DTWD2: variants seen among roughly 807,000 people sequenced by gnomAD.
DTWD2 encodes DTW motif tRNA-uridine aminocarboxypropyltransferase 2.
Under a neutral mutation model 31.8 loss-of-function variants are expected in DTWD2, and 39 were observed. The ratio of observed to expected loss-of-function variants is 1.22; its 90% CI spans 0.95 to 1.60. The LOEUF (loss-of-function observed/expected upper bound fraction) is 1.60, where lower values mean the gene tolerates loss of function less well. Among genes scored for constraint, DTWD2 ranks in the 40% most tolerant of loss-of-function variants. DTWD2 has a pLI of 0.00. For synonymous variants in DTWD2, 180 were observed against 142.8 expected, an observed-to-expected ratio of 1.26 and a Z score of -1.86; for missense variants, 515 against 381.5, an observed-to-expected ratio of 1.35 and a Z score of -2.92.
rs115086564 is a variant in DTWD2, at chr5:118,875,812, A to G, written c.598-27594T>C. Among the ~76,000 whole-genome samples the G allele has an allele frequency of 6.3e-3, 957 of 152,192 alleles. 18 individuals are homozygous for G. Among genetic ancestry groups the G allele is most frequent in the African/African-American group, 0.022 (907 of 41,524 alleles). ...CAATCTTACACAGATCAAGACAAAA[A>G]ACTAACAAAGATATTAAGGACCTGA... On this transcript the variant is annotated intron_variant, in intron 4 of 5. Coordinates refer to ENST00000510708, the MANE Select transcript of DTWD2 (RefSeq NM_173666.4).
chr5:118,852,945 A>G (rs558722341), intron 4 of DTWD2, among the ~76,000 whole-genome samples: 3 of 152,272 alleles, frequency 2.0e-5, no homozygotes, highest in South Asian at 2.1e-4. Flanking sequence ...CCATTATCCT[A>G]TGTGAATTAA....
At chr5:118,979,344 G>A (rs2149603072) in intron 1 of DTWD2, among the ~76,000 whole-genome samples, 1 of 151,990 alleles carries the variant, frequency 6.6e-6, no homozygotes, top group African/African-American at 2.4e-5. Context: ...TAAATAAAAG[G>A]TCAAAAAACA....
In DTWD2 at chr5:118,836,910, G is replaced by C. The variant is rs1165570651; in HGVS notation, c.*4007C>G. On this transcript the variant is annotated 3_prime_UTR_variant, in exon 6 of 6. Coordinates refer to ENST00000510708, the MANE Select transcript of DTWD2 (RefSeq NM_173666.4). ...AGCTATCCAGTCTCTGGTATTCTGAGAGAGCAGCCAGAATGGACTAAGACA... is the reference window on the plus strand; with the variant it reads ...AGCTATCCAGTCTCTGGTATTCTGACAGAGCAGCCAGAATGGACTAAGACA... 2.0e-5 allele frequency among the ~76,000 whole-genome samples: 3 copies of C among 152,192 alleles called. No individual in the cohort carries two copies. The highest frequency in any genetic ancestry group is 4.4e-5 in the Non-Finnish European group (3 of 68,030).
intron 4 of DTWD2, among the ~76,000 whole-genome samples, chr5:118,881,691 C>A (rs1199068873): frequency 1.3e-5 from 2 of 152,032 alleles, no homozygotes; most frequent in Non-Finnish European, 2.9e-5. Flanking sequence ...GGGAAGCAGG[C>A]GCCTCTTACA....
At chr5:118,976,565 T>TAC (rs1462278675) in intron 1 of DTWD2, among the ~76,000 whole-genome samples, 1 of 152,200 alleles carries the variant, frequency 6.6e-6, no homozygotes, top group Non-Finnish European at 1.5e-5. Context: ...TAAACACCTC[T>TAC]ACACACATAA....
chr5:118,875,442 T>C (rs1752598365), intron 4 of DTWD2, among the ~76,000 whole-genome samples: 1 of 151,880 alleles, frequency 6.6e-6, no homozygotes, highest in Non-Finnish European at 1.5e-5. Flanking sequence ...TATTGGTATG[T>C]TGTCTTCAAG....
At chr5:118,869,927 C>A (rs1752465254) in intron 4 of DTWD2, among the ~76,000 whole-genome samples, 1 of 152,074 alleles carries the variant, frequency 6.6e-6, no homozygotes, top group South Asian at 2.1e-4. Context: ...TTAGAACCAT[C>A]CCCTTGATGA....
chr5:118,982,852 C>T (rs902869418), intron 1 of DTWD2, among the ~76,000 whole-genome samples: 2 of 151,882 alleles, frequency 1.3e-5, no homozygotes, highest in African/African-American at 4.8e-5. Flanking sequence ...CCACGCCCGG[C>T]TAATTTTAGT....
At chr5:118,945,932 T>A (rs1161208809) in intron 1 of DTWD2, among the ~76,000 whole-genome samples, 5 of 152,152 alleles carry the variant, frequency 3.3e-5, no homozygotes, top group Non-Finnish European at 7.4e-5. Flanking sequence ...GAATTTCCAA[T>A]ACCATACATA....
Position 118,920,415 on chromosome 5 carries a change from C to T in DTWD2, c.597+8122G>A, listed in dbSNP as rs535397618. Among the ~76,000 whole-genome samples the T allele has an allele frequency of 7.7e-4, 117 of 152,140 alleles. No individual in the cohort carries two copies. In the Middle Eastern group the frequency reaches 0.01, roughly 13 times the overall value. ...CTTTTGGAAGCAAACACAACGTACTCTTAACGCTAAATATCTAAAGGTATG... is the reference window on the plus strand; with the variant it reads ...CTTTTGGAAGCAAACACAACGTACTTTTAACGCTAAATATCTAAAGGTATG... On this transcript the variant is annotated intron_variant, in intron 4 of 5. Coordinates refer to ENST00000510708, the MANE Select transcript of DTWD2 (RefSeq NM_173666.4).
chr5:118,899,806 T>C (rs970919702), intron 4 of DTWD2, among the ~76,000 whole-genome samples: 8 of 148,340 alleles, frequency 5.4e-5, no homozygotes, highest in Non-Finnish European at 1.0e-4. Flanking sequence ...TTTCTTTTTT[T>C]TTTTTTTTTT....
rs1365189263 is a variant in DTWD2 at position 118,988,335 on chromosome 5, C to T, written c.177G>A (p.Pro59=). 1.3e-6 allele frequency: 2 copies of T among 1,547,676 alleles called. No homozygotes were observed. Among genetic ancestry groups the T allele is most frequent in the East Asian group, 2.5e-5 (1 of 40,452 alleles). The change falls in exon 1 of 6, where the codon CCG becomes CCA. Residue 59 remains proline (P), a synonymous_variant. Transcript: ENST00000510708. ...DDSADGLWEL[P]VEPAERRPEC... ...CAGGCCTCCGCTCGGCCGGCTCCAC[C>T]GGCAGCTCCCACAGCCCGTCCGCAC...
chr5:118,926,316 G>A (rs115139710), intron 4 of DTWD2, among the ~76,000 whole-genome samples: 3,187 of 152,204 alleles, frequency 0.021, 117 homozygotes, highest in African/African-American at 0.072. Context: ...ACCAAATTCC[G>A]TTATGTTCTC....
intron 4 of DTWD2, among the ~76,000 whole-genome samples, chr5:118,852,320 G>A (rs539415102): frequency 1.2e-3 from 176 of 152,264 alleles, no homozygotes; most frequent in Non-Finnish European, 2.1e-3. Context: ...GAGTCCTGAC[G>A]TGATGTACAT....
At chr5:118,906,746 G>A (rs901766153) in intron 4 of DTWD2, among the ~76,000 whole-genome samples, 1 of 152,062 alleles carries the variant, frequency 6.6e-6, no homozygotes, top group African/African-American at 2.4e-5. Context: ...AGGGAGCAAC[G>A]GATATCTTCA....
At chr5:118,973,485 A>G (rs1755040024) in intron 1 of DTWD2, among the ~76,000 whole-genome samples, 1 of 152,168 alleles carries the variant, frequency 6.6e-6, no homozygotes, top group Non-Finnish European at 1.5e-5. Context: ...GCTTATCTGT[A>G]AAGGATTTTA....
In DTWD2 at chr5:118,840,745, T is replaced by A; in HGVS notation, c.*172A>T. On this transcript the variant is annotated 3_prime_UTR_variant, in exon 6 of 6. Transcript: ENST00000510708. Reference sequence around the variant, plus strand: ...CCTGCTTTTCAGTGAGCCAGTGAATTTCTGTTTATTTGTATTTATGAATAT... The same window carrying A: ...CCTGCTTTTCAGTGAGCCAGTGAATATCTGTTTATTTGTATTTATGAATAT... 1 of 618,728 alleles carries A rather than the reference T, an allele frequency of 1.6e-6. No individual in the cohort carries two copies. The highest frequency in any genetic ancestry group is 3.8e-5 in the East Asian group (1 of 26,454). The allele number at this position is 618,728 out of a possible 1,614,324, so 38.3% of individuals were successfully genotyped here. A position where few individuals can be genotyped will look rare whatever the true frequency, so the allele number is the denominator to read the frequency against.
chr5:118,882,256 G>T (rs1276592465), intron 4 of DTWD2, among the ~76,000 whole-genome samples: 2 of 152,212 alleles, frequency 1.3e-5, no homozygotes, highest in East Asian at 3.9e-4. Context: ...GGTCTCACAT[G>T]CAGGGCAAGT....
intron 4 of DTWD2, among the ~76,000 whole-genome samples, chr5:118,916,767 C>T (rs73239055): frequency 0.22 from 32,833 of 151,890 alleles, 8,390 homozygotes; most frequent in African/African-American, 0.62. Context: ...AAGCTTTCCT[C>T]ACGTATCTAA....
Sources: gnomAD v4.1 joint callset for allele counts (sites outside exome capture counted in the v4.1 genomes callset) on GRCh38, gnomAD v4.1.1 for gene constraint, MANE v1.5 for transcripts, NCBI Gene and HGNC (gene_info 2026-07-23, HGNC 2026-07-21) for gene names.